Variants in EYS observed in about 807,000 individuals in gnomAD.
The protein encoded by EYS is EGF-like photoreceptor maintenance factor.
A neutral mutation model predicts 282.1 loss-of-function variants in EYS; 250 were observed. The observed-to-expected ratio is 0.89, with a 90% CI of 0.80 to 0.98. EYS has a LOEUF of 0.98. Ranked by LOEUF, EYS falls within the 50% of genes least tolerant of loss-of-function variation. The probability of loss-of-function intolerance (pLI) is 0.00; values close to 1 mark genes in which losing one functional copy is unlikely to be tolerated. For missense variants in EYS, 4,016 were observed against 3,709.0 expected (o/e 1.08, Z -2.15); for synonymous variants, 1,355 against 1,282.9 (o/e 1.06, Z -1.20).
At chr6:64,201,291 C>A (rs1345221150) in intron 31 of EYS, among the ~76,000 whole-genome samples, 1 of 151,968 alleles carries the variant, frequency 6.6e-6, no homozygotes, top group African/African-American at 2.4e-5. Flanking sequence ...ATTATAGAGA[C>A]AGAAGGTCTA....
At chr6:65,090,898 A>C (rs1326022975) in intron 12 of EYS, among the ~76,000 whole-genome samples, 2 of 152,076 alleles carry the variant, frequency 1.3e-5, no homozygotes, top group Non-Finnish European at 2.9e-5. Context: ...AAGGTCTGAG[A>C]ATGCAATGCT....
intron 31 of EYS, among the ~76,000 whole-genome samples, chr6:64,218,473 A>AGAC (rs1482976678): frequency 6.6e-6 from 1 of 152,180 alleles, no homozygotes; most frequent in Non-Finnish European, 1.5e-5. Flanking sequence ...GCCAGCTAGC[A>AGAC]GACACAGTTG....
intron 36 of EYS, among the ~76,000 whole-genome samples, chr6:63,844,732 T>A (rs570324694): frequency 2.0e-5 from 3 of 152,292 alleles, no homozygotes; most frequent in Middle Eastern, 6.8e-3. Flanking sequence ...TAAATTTGTT[T>A]AAGTTCCTTA....
At chr6:64,819,345 T>C (rs1764832696) in intron 21 of EYS, among the ~76,000 whole-genome samples, 1 of 152,088 alleles carries the variant, frequency 6.6e-6, no homozygotes, top group Admixed American at 6.6e-5. Flanking sequence ...TAGTGAAACA[T>C]GACAAAATTT....
At chr6:64,977,585 G>A (rs1409309492) in intron 14 of EYS, among the ~76,000 whole-genome samples, 1 of 150,806 alleles carries the variant, frequency 6.6e-6, no homozygotes, top group Non-Finnish European at 1.5e-5. Context: ...AAATAACTAA[G>A]CCTAGTGTGG....
intron 26 of EYS, among the ~76,000 whole-genome samples, chr6:64,454,459 T>C (rs561079043): frequency 6.6e-5 from 10 of 152,266 alleles, no homozygotes; most frequent in South Asian, 2.1e-4. Flanking sequence ...GTGAATTCCA[T>C]TGATTTTACT....
intron 12 of EYS, among the ~76,000 whole-genome samples, chr6:65,288,371 T>C (rs1768428975): frequency 6.6e-6 from 1 of 150,564 alleles, no homozygotes; most frequent in Non-Finnish European, 1.5e-5. Context: ...CATGGTGTGC[T>C]TTAAAAAAAT....
At chr6:63,935,435 T>G (rs1346718745) in intron 35 of EYS, among the ~76,000 whole-genome samples, 3 of 152,246 alleles carry the variant, frequency 2.0e-5, no homozygotes, top group African/African-American at 7.2e-5. Flanking sequence ...ACAGTTTGAC[T>G]ATATTTGGAG....
In EYS at chr6:64,584,421, A is replaced by G. The variant is rs191975891; in HGVS notation, c.5644+5802T>C. 2.6e-3 allele frequency among the ~76,000 whole-genome samples: 389 copies of G among 151,626 alleles called. 4 individuals carry two copies. The highest frequency in any genetic ancestry group is 8.7e-3 in the African/African-American group (361 of 41,502). ...TTAAAATTTTAATATAATATTTAATATATCAGTAATAATTTTCTAAAATTG... is the reference window on the plus strand; with the variant it reads ...TTAAAATTTTAATATAATATTTAATGTATCAGTAATAATTTTCTAAAATTG... On this transcript the variant is annotated intron_variant, in intron 26 of 42. Transcript: ENST00000503581.
In EYS at chr6:65,051,693, T is replaced by C. The variant is rs184250178; in HGVS notation, c.2137+5921A>G. On this transcript the variant is annotated intron_variant, in intron 13 of 42. Transcript: ENST00000503581. ...TTTGTATCCTTTTACCAATACCTCCTCTTGGATGAACCTGGAGGACATCAT... is the reference window on the plus strand; with the variant it reads ...TTTGTATCCTTTTACCAATACCTCCCCTTGGATGAACCTGGAGGACATCAT... Among the ~76,000 whole-genome samples the C allele has an allele frequency of 1.8e-4, 27 of 151,558 alleles. No individual in the cohort carries two copies. In the East Asian group the frequency reaches 4.1e-3, roughly 23 times the overall value.
intron 12 of EYS, among the ~76,000 whole-genome samples, chr6:65,087,182 T>C (rs1286278791): frequency 2.0e-5 from 3 of 152,126 alleles, no homozygotes; most frequent in African/African-American, 4.8e-5. Context: ...AGGATGGATA[T>C]GTGAAATGTG....
At chr6:64,440,656 A>G (rs572023639) in intron 26 of EYS, among the ~76,000 whole-genome samples, 4 of 152,260 alleles carry the variant, frequency 2.6e-5, no homozygotes, top group African/African-American at 9.6e-5. Flanking sequence ...ATACAATAAC[A>G]TTTTAAACAA....
intron 36 of EYS, among the ~76,000 whole-genome samples, chr6:63,808,808 T>C (rs982760192): frequency 6.6e-6 from 1 of 152,174 alleles, no homozygotes. Flanking sequence ...GTTAGGCCTG[T>C]GTGGGAAGGG....
At chr6:63,895,145 C>T (rs1014969252) in intron 35 of EYS, among the ~76,000 whole-genome samples, 5 of 31,440 alleles carry the variant, frequency 1.6e-4, no homozygotes, top group Non-Finnish European at 3.5e-4. Flanking sequence ...CACTTGTGAG[C>T]GATAAAAAAA....
chr6:64,260,002 T>G (rs1299696330), intron 30 of EYS, among the ~76,000 whole-genome samples: 1 of 152,106 alleles, frequency 6.6e-6, no homozygotes, highest in East Asian at 1.9e-4. Flanking sequence ...ATTGGGACAT[T>G]TAGCCATCTG....
At chr6:64,714,330 C>G (rs988943718) in intron 22 of EYS, among the ~76,000 whole-genome samples, 6 of 151,998 alleles carry the variant, frequency 3.9e-5, no homozygotes, top group Admixed American at 6.6e-5. Context: ...AGTGTCTTTT[C>G]CCAGATAAGG....
At chr6:64,222,149 C>T (rs1328528261) in intron 31 of EYS, among the ~76,000 whole-genome samples, 1 of 151,948 alleles carries the variant, frequency 6.6e-6, no homozygotes, top group African/African-American at 2.4e-5. Flanking sequence ...AGAAAACTTA[C>T]CAAAATAGAT....
intron 13 of EYS, among the ~76,000 whole-genome samples, chr6:65,010,794 C>T (rs895032273): frequency 1.3e-5 from 2 of 152,232 alleles, no homozygotes; most frequent in Middle Eastern, 3.4e-3. Context: ...GCCCATGCAG[C>T]AATATGGAGA....
chr6:65,257,934 G>A (rs895468471), intron 12 of EYS, among the ~76,000 whole-genome samples: 6 of 151,892 alleles, frequency 4.0e-5, no homozygotes, highest in South Asian at 2.1e-4. Flanking sequence ...TTGATAGCAT[G>A]ATCAGGTGAC....
Sources: gnomAD v4.1 joint callset for allele counts (sites outside exome capture counted in the v4.1 genomes callset) on GRCh38, gnomAD v4.1.1 for gene constraint, MANE v1.5 for transcripts, NCBI Gene and HGNC (gene_info 2026-07-23, HGNC 2026-07-21) for gene names.